The following ZFP90 variants were observed in gnomAD, a reference collection of about 807,000 sequenced individuals.
ZFP90 encodes the protein ZFP90 zinc finger protein, also known as zinc finger protein 90 homolog.
ZFP90 carries 38 observed loss-of-function variants against 60.8 expected under a neutral mutation model. That is an observed-to-expected ratio of 0.62 (90% CI 0.48 to 0.82). The LOEUF (loss-of-function observed/expected upper bound fraction) is 0.82. Among genes scored for constraint, ZFP90 ranks in the 40% least tolerant of loss-of-function variants. ZFP90 has a pLI of 0.00. For synonymous variants in ZFP90, 287 were observed against 264.8 expected, an observed-to-expected ratio of 1.08 and a Z score of -0.82; for missense variants, 711 against 759.1, an observed-to-expected ratio of 0.94 and a Z score of 0.74.
chr16:68,545,410 A>T (rs1257409881), intron 2 of ZFP90, among the ~76,000 whole-genome samples: 1 of 152,198 alleles, frequency 6.6e-6, no homozygotes, highest in East Asian at 1.9e-4. Context: ...AGTCACAATG[A>T]GCCTATTTTA....
intron 2 of ZFP90, among the ~76,000 whole-genome samples, 194 bp downstream of exon 2, chr16:68,540,019 A>G (rs2091012086): frequency 6.6e-6 from 1 of 152,202 alleles, no homozygotes. Flanking sequence ...TCTGTGGGGT[A>G]GAGAGGGCCA....
rs539386178 is a variant in ZFP90 at position 68,552,381 on chromosome 16, C to G, written c.34-5617C>G. Among the ~76,000 whole-genome samples, 3 of 152,218 alleles carry G rather than the reference C, an allele frequency of 2.0e-5. No homozygotes were observed. The East Asian group carries it at 5.8e-4, about 29-fold the overall frequency. On this transcript the variant is annotated intron_variant, in intron 2 of 4. Coordinates refer to ENST00000563169, the MANE Select transcript of ZFP90 (RefSeq NM_001305203.2). Reference sequence around the variant, plus strand: ...GGAGTGACCACTGGGTAACAGACACCTGAATGTAGTAGTGTCTTATGAGCT... The same window carrying G: ...GGAGTGACCACTGGGTAACAGACACGTGAATGTAGTAGTGTCTTATGAGCT...
In ZFP90 at chr16:68,539,388, C is replaced by T. The variant is rs1406957197; in HGVS notation, c.-127C>T. 2 of 252,846 alleles carry T rather than the reference C, an allele frequency of 7.9e-6. No homozygotes were observed. The highest frequency in any genetic ancestry group is 7.5e-5 in the East Asian group (1 of 13,278). The allele number at this position is 252,846 out of a possible 1,614,324, so 15.7% of individuals were successfully genotyped here. ...TCCGCAGATCAGAATTGGAGATAAC[C>T]GAGGCTTCGGCGGGGGCGGGAGGAG... On this transcript the variant is annotated 5_prime_UTR_variant, in exon 1 of 5. Transcript: ENST00000563169.
rs2091510652 is a variant in ZFP90, at chr16:68,565,460, A to G, written c.*762A>G. ...GCAAAATGTATGCAAATTTATCACA[A>G]ACTATTTAAAGCAACTTCTTGGAGG... On this transcript the variant is annotated 3_prime_UTR_variant, in exon 5 of 5. Coordinates refer to ENST00000563169, the MANE Select transcript of ZFP90 (RefSeq NM_001305203.2). 3.0e-6 allele frequency: 3 copies of G among 985,594 alleles called. No individual in the cohort carries two copies. In the South Asian group the frequency reaches 1.4e-4, roughly 46 times the overall value. The allele number at this position is 985,594 out of a possible 1,614,324, so 61.1% of individuals were successfully genotyped here.
chr16:68,539,708 G>T, intron 1 of ZFP90, 50 bp from the exon 2 acceptor site: 1 of 1,406,828 alleles, frequency 7.1e-7, no homozygotes, highest in Non-Finnish European at 9.5e-7. Flanking sequence ...GCGGGGCGGG[G>T]TGGGGTCGGT....
upstream of ZFP90, among the ~76,000 whole-genome samples, chr16:68,537,131 CT>C (rs34680664): frequency 0.8 from 116,868 of 146,024 alleles, 46,774 homozygotes; most frequent in African/African-American, 0.88. Context: ...TGTTGTTGGG[CT>C]TTTTTTTTTT....
At position 68,565,445 on chromosome 16, in the gene ZFP90, T is replaced by C. The variant is rs1298145950; in HGVS notation, c.*747T>C. 9.1e-6 allele frequency: 9 copies of C among 985,484 alleles called. No individual in the cohort carries two copies. In the Middle Eastern group the frequency reaches 1.5e-3, roughly 170 times the overall value. The allele number at this position is 985,484 out of a possible 1,614,324, so 61.0% of individuals were successfully genotyped here. ...AAAGTATAAGTGGGAGCAAAATGTA[T>C]GCAAATTTATCACAAACTATTTAAA... On this transcript the variant is annotated 3_prime_UTR_variant, in exon 5 of 5. Coordinates refer to ENST00000563169, the MANE Select transcript of ZFP90 (RefSeq NM_001305203.2).
intron 4 of ZFP90, chr16:68,562,832 C>T: frequency 9.0e-7 from 1 of 1,111,576 alleles, no homozygotes; most frequent in Non-Finnish European, 1.3e-6. Flanking sequence ...GGGCTTTCCT[C>T]ATTCTCTGGA....
chr16:68,534,672 G>A (rs1327085938), upstream of ZFP90, among the ~76,000 whole-genome samples: 11 of 151,654 alleles, frequency 7.3e-5, no homozygotes, highest in African/African-American at 2.2e-4. Flanking sequence ...TTGGGAGGCC[G>A]AGGTGGGTGG....
chr16:68,559,606 C>T (rs2091404559), intron 4 of ZFP90, among the ~76,000 whole-genome samples: 1 of 152,142 alleles, frequency 6.6e-6, no homozygotes, highest in African/African-American at 2.4e-5. Flanking sequence ...CTCACTCTGT[C>T]ACCCACGCTG....
At chr16:68,538,951 T>C (rs1196254125), upstream of ZFP90, among the ~76,000 whole-genome samples, 1 of 152,224 alleles carries the variant, frequency 6.6e-6, no homozygotes, top group African/African-American at 2.4e-5. Flanking sequence ...CTCTTACCGC[T>C]GAAGTCAGGA....
chr16:68,538,750 A>C (rs2090982134), upstream of ZFP90, among the ~76,000 whole-genome samples: 1 of 152,190 alleles, frequency 6.6e-6, no homozygotes, highest in African/African-American at 2.4e-5. Flanking sequence ...CTTGTCCCAA[A>C]CAAAATCCTG....
At chr16:68,559,893 G>A (rs757502027) in intron 4 of ZFP90, among the ~76,000 whole-genome samples, 1 of 151,954 alleles carries the variant, frequency 6.6e-6, no homozygotes, top group Non-Finnish European at 1.5e-5. Context: ...TTTTGAGACA[G>A]GGTCTTGCTC....
At chr16:68,533,551 A>G (rs2090941107) in intron 1 of ZFP90, 1 of 152,032 alleles carries the variant, frequency 6.6e-6, no homozygotes, top group South Asian at 2.1e-4. Flanking sequence ...AAGACACCCA[A>G]CTTTAATGAG....
intron 2 of ZFP90, among the ~76,000 whole-genome samples, chr16:68,551,415 C>T (rs1230204396): frequency 9.8e-5 from 12 of 123,030 alleles, no homozygotes; most frequent in Non-Finnish European, 1.2e-4. Flanking sequence ...ACATGTGATC[C>T]TTTTTTTTTT....
chr16:68,539,500 C>G (rs968847245), intron 1 of ZFP90, 21 bp downstream of exon 1: 1 of 465,196 alleles, frequency 2.1e-6, no homozygotes, highest in African/African-American at 2.0e-5. Context: ...CTGGGCGGGA[C>G]CCCTCCTGGG....
chr16:68,549,678 C>A (rs1326543831), intron 2 of ZFP90, among the ~76,000 whole-genome samples: 80 of 62,862 alleles, frequency 1.3e-3, no homozygotes, highest in Admixed American at 1.9e-3. Context: ...GACTCCATCT[C>A]AAAAAAAAAA....
At chr16:68,575,512 G>A (rs891013153) in intron 2 of ZFP90, among the ~76,000 whole-genome samples, 2 of 129,466 alleles carry the variant, frequency 1.5e-5, no homozygotes, top group Non-Finnish European at 3.1e-5. Context: ...TGGGGAGTGT[G>A]TGCTGATTGG....
At chr16:68,558,355 G>A in intron 3 of ZFP90, 118 bp from the exon 4 acceptor site, 2 of 1,153,608 alleles carry the variant, frequency 1.7e-6, no homozygotes, top group Non-Finnish European at 2.6e-6. Flanking sequence ...TCCTTAAGTT[G>A]CACCTTTTTT....
Sources: gnomAD v4.1 joint callset for allele counts (sites outside exome capture counted in the v4.1 genomes callset) on GRCh38, gnomAD v4.1.1 for gene constraint, MANE v1.5 for transcripts, NCBI Gene and HGNC (gene_info 2026-07-23, HGNC 2026-07-21) for gene names.